The following DHTKD1 variants were observed in gnomAD, a reference collection of about 807,000 sequenced individuals.
The protein encoded by DHTKD1 is dehydrogenase E1 and transketolase domain containing 1.
In DHTKD1, 78 loss-of-function variants were observed where a neutral mutation model predicts 101.8. That is an observed-to-expected ratio of 0.77 (90% CI 0.64 to 0.93). DHTKD1 has a LOEUF of 0.93. Among genes scored for constraint, DHTKD1 ranks in the 40% least tolerant of loss-of-function variants. DHTKD1 has a pLI of 0.00. For synonymous variants in DHTKD1, 462 were observed against 450.3 expected, an observed-to-expected ratio of 1.03 and a Z score of -0.33; for missense variants, 1,223 against 1,161.7, an observed-to-expected ratio of 1.05 and a Z score of -0.77.
At chr10:12,114,607 A>G (rs2131625421) in intron 13 of DHTKD1, among the ~76,000 whole-genome samples, 1 of 151,070 alleles carries the variant, frequency 6.6e-6, no homozygotes, top group South Asian at 2.1e-4. Flanking sequence ...GGAGTATTAC[A>G]GTTTTTACAT....
At chr10:12,091,487 C>T (rs1322051460) in intron 5 of DHTKD1, 26 bp from the exon 6 acceptor site, 3 of 1,494,704 alleles carry the variant, frequency 2.0e-6, no homozygotes, top group Non-Finnish European at 2.7e-6. Context: ...TTTCTCCCCA[C>T]CCGCTCCCCT....
In DHTKD1 at chr10:12,107,143, C is replaced by T. The variant is rs1036394440; in HGVS notation, c.2047+747C>T. Among the ~76,000 whole-genome samples, 1 of 151,418 alleles carries T rather than the reference C, an allele frequency of 6.6e-6. No homozygotes were observed. Among genetic ancestry groups the T allele is most frequent in the Non-Finnish European group, 1.5e-5 (1 of 67,826 alleles). On this transcript the variant is annotated intron_variant, in intron 11 of 16. Coordinates refer to ENST00000263035, the MANE Select transcript of DHTKD1 (RefSeq NM_018706.7). This position sits in a 1 kb window ranked among gnomAD's most constrained non-coding sequence, Gnocchi z 4.1. Reference sequence around the variant, plus strand: ...GGGACTACATAGGCGCTGGTCACCACGCCCGGCTAATTTTTTGTATTTTTA... The same window carrying T: ...GGGACTACATAGGCGCTGGTCACCATGCCCGGCTAATTTTTTGTATTTTTA...
intron 15 of DHTKD1, 80 bp downstream of exon 15, chr10:12,118,998 T>C: frequency 7.4e-7 from 1 of 1,349,866 alleles, no homozygotes; most frequent in South Asian, 1.6e-5. Flanking sequence ...AAAGATGTGG[T>C]GGGGGTTATT....
intron 15 of DHTKD1, among the ~76,000 whole-genome samples, chr10:12,119,484 C>CACA (rs1833483912): frequency 2.7e-5 from 4 of 150,738 alleles, no homozygotes; most frequent in Admixed American, 2.6e-4. Context: ...GGCGTGGTGG[C>CACA]GGGCGCCTGT....
intron 1 of DHTKD1, among the ~76,000 whole-genome samples, chr10:12,075,347 T>A (rs1331042133): frequency 5.9e-5 from 9 of 152,018 alleles, no homozygotes; most frequent in Non-Finnish European, 1.3e-4. Context: ...CCCGGCTAAT[T>A]TCTGTGGGGT....
Position 12,069,016 on chromosome 10 carries a change from C to G in DHTKD1, c.-18C>G. 1 of 1,612,734 alleles carries G rather than the reference C, an allele frequency of 6.2e-7. No individual in the cohort carries two copies. Among genetic ancestry groups the G allele is most frequent in the African/African-American group, 1.3e-5 (1 of 74,928 alleles). On this transcript the variant is annotated 5_prime_UTR_variant, in exon 1 of 17. Transcript: ENST00000263035. ...TCGGGCTCCCGCCTTAGCATGCTGG[C>G]CGGGACATCTGGTGAACATGGCCTC...
intron 5 of DHTKD1, among the ~76,000 whole-genome samples, chr10:12,090,205 A>G (rs2131359296): frequency 6.6e-6 from 1 of 152,294 alleles, no homozygotes; most frequent in African/African-American, 2.4e-5. Context: ...TCAGTCTTCA[A>G]ATTCCACAGA....
intron 2 of DHTKD1, among the ~76,000 whole-genome samples, chr10:12,083,468 C>T (rs1489322723): frequency 6.6e-6 from 1 of 152,140 alleles, no homozygotes; most frequent in African/African-American, 2.4e-5. Flanking sequence ...GGTGTGGTGG[C>T]TTATGCCTGT....
chr10:12,113,310 G>C (rs532265691), intron 13 of DHTKD1, among the ~76,000 whole-genome samples: 1 of 152,160 alleles, frequency 6.6e-6, no homozygotes, highest in East Asian at 1.9e-4. Context: ...CGATTCTCCC[G>C]CCTCAGCCTC....
At chr10:12,081,971 A>T (rs548605741) in intron 2 of DHTKD1, among the ~76,000 whole-genome samples, 93 of 151,894 alleles carry the variant, frequency 6.1e-4, no homozygotes, top group South Asian at 3.5e-3. Context: ...AAAAAAAAAA[A>T]AAAAAAATAA....
chr10:12,101,430 G>A (rs541772972), intron 10 of DHTKD1, among the ~76,000 whole-genome samples: 1 of 152,138 alleles, frequency 6.6e-6, no homozygotes, highest in Non-Finnish European at 1.5e-5. Context: ...TGTGTGTTTT[G>A]TCAACTCAAA....
In DHTKD1 at chr10:12,094,146, G is replaced by A. The variant is rs772458687; in HGVS notation, c.1233G>A (p.Leu411=). 2.7e-5 allele frequency: 43 copies of A among 1,614,048 alleles called. 1 individual carries two copies. The South Asian group carries it at 4.1e-4, about 15-fold the overall frequency. Reference sequence around the variant, plus strand: ...AGGAAGTGGTCCGTGCCACACGACTGGCTTTTGAATACCAACGCCAGTTCC... The same window carrying A: ...AGGAAGTGGTCCGTGCCACACGACTAGCTTTTGAATACCAACGCCAGTTCC... The part of the protein sequence containing the change: ...SPEEVVRATR[L]AFEYQRQFRK... The change falls in exon 7 of 17, where the codon CTG becomes CTA. Residue 411 remains leucine, a synonymous_variant. Transcript: ENST00000263035.
At chr10:12,116,409 C>G (rs1015953197) in intron 13 of DHTKD1, 1 of 147,302 alleles carries the variant, frequency 6.8e-6, no homozygotes, top group African/African-American at 2.5e-5. Context: ...TTTTTTTTTT[C>G]TTGAGATGGA....
At position 12,094,269 on chromosome 10, in the gene DHTKD1, C is replaced by T; in HGVS notation, c.1356C>T (p.Ile452=). Residue 452 remains isoleucine (I), a splice_region_variant and synonymous_variant, in exon 7 of 17, where the codon ATC becomes ATT. Coordinates refer to ENST00000263035, the MANE Select transcript of DHTKD1 (RefSeq NM_018706.7). ...CCAACCCCATCATGTACAAAATCAT[C>T]AGGTACAATTATAAACCCTTGTGTG... The part of the protein sequence containing the change: ...FYTNPIMYKI[I]RARKSIPDTY... The T allele has an allele frequency of 6.2e-7, 1 of 1,613,624 alleles. No homozygotes were observed. The highest frequency in any genetic ancestry group is 8.5e-7 in the Non-Finnish European group (1 of 1,179,524).
intron 13 of DHTKD1, 141 bp downstream of exon 13, chr10:12,113,205 T>C (rs76444041): frequency 2.3e-6 from 2 of 864,738 alleles, no homozygotes; most frequent in Non-Finnish European, 3.4e-6. Context: ...TCATTTTTTT[T>C]GTTGTTTTTT....
chr10:12,084,844 A>G, intron 3 of DHTKD1, 93 bp downstream of exon 3: 3 of 1,080,290 alleles, frequency 2.8e-6, no homozygotes, highest in Non-Finnish European at 4.2e-6. Context: ...TGAGGTCAGG[A>G]GTTCAAGACC....
At chr10:12,106,446 C>G in intron 11 of DHTKD1, 50 bp downstream of exon 11, 1 of 1,604,682 alleles carries the variant, frequency 6.2e-7, no homozygotes, top group Non-Finnish European at 8.5e-7. Context: ...CTGCGTGGCC[C>G]CAGCCTCGTG....
intron 10 of DHTKD1, among the ~76,000 whole-genome samples, chr10:12,102,442 G>GA (rs889266490): frequency 4.7e-5 from 6 of 127,754 alleles, no homozygotes; most frequent in Non-Finnish European, 8.4e-5. Flanking sequence ...AAAAAAAAAA[G>GA]AAAATTCACT....
In DHTKD1 at chr10:12,083,996, C is replaced by T. The variant is rs538656258; in HGVS notation, c.311-544C>T. Among the ~76,000 whole-genome samples the T allele has an allele frequency of 1.1e-3, 163 of 149,794 alleles. 4 individuals carry two copies. The South Asian group carries it at 0.034, about 31-fold the overall frequency. ...GGAGTGCAGTGGTGTGATCTCGGCT[C>T]ACTGCAACCTCTGCCTCCCAGGTTC... is the stretch of plus-strand genomic sequence containing the variant. On this transcript the variant is annotated intron_variant, in intron 2 of 16. Transcript: ENST00000263035.
Sources: gnomAD v4.1 joint callset for allele counts (sites outside exome capture counted in the v4.1 genomes callset) on GRCh38, gnomAD v4.1.1 for gene constraint, Gnocchi (gnomAD v3.1) non-coding constraint, MANE v1.5 for transcripts, NCBI Gene and HGNC (gene_info 2026-07-23, HGNC 2026-07-21) for gene names.